Variants in VTI1A observed in about 807,000 individuals in gnomAD.
VTI1A encodes vesicle transport through interaction with t-SNAREs 1A.
VTI1A carries 22 observed loss-of-function variants against 34.9 expected under a neutral mutation model. That is an observed-to-expected ratio of 0.63 (90% CI 0.45 to 0.90). The LOEUF (loss-of-function observed/expected upper bound fraction) is 0.90, where lower values mean the gene tolerates loss of function less well. VTI1A is among the 40% of genes least tolerant of loss of function. The pLI is 0.00. For synonymous variants in VTI1A, 87 were observed against 97.3 expected, an observed-to-expected ratio of 0.89 and a Z score of 0.62; for missense variants, 268 against 275.6, an observed-to-expected ratio of 0.97 and a Z score of 0.20.
intron 3 of VTI1A, among the ~76,000 whole-genome samples, chr10:112,472,970 A>G (rs978108273): frequency 9.4e-6 from 1 of 105,908 alleles, no homozygotes; most frequent in Non-Finnish European, 2.5e-5. Flanking sequence ...AAAATGAAGA[A>G]GAGTAAAAAA....
chr10:112,725,535 A>G (rs1454572120), intron 7 of VTI1A, among the ~76,000 whole-genome samples: 1 of 152,230 alleles, frequency 6.6e-6, no homozygotes, highest in Non-Finnish European at 1.5e-5. Context: ...CAACCTGTTA[A>G]CATAATAGTT....
chr10:112,585,921 T>C (rs1350616605), intron 5 of VTI1A, among the ~76,000 whole-genome samples: 1 of 152,144 alleles, frequency 6.6e-6, no homozygotes, highest in Admixed American at 6.5e-5. Flanking sequence ...AGGTCAAGGA[T>C]GTGCCTGCAA....
chr10:112,810,835 A>G (rs192169744), intron 7 of VTI1A, among the ~76,000 whole-genome samples: 1 of 152,338 alleles, frequency 6.6e-6, no homozygotes, highest in East Asian at 1.9e-4. Flanking sequence ...ATCAGTCATC[A>G]ATACACAGGA....
intron 5 of VTI1A, among the ~76,000 whole-genome samples, chr10:112,579,670 C>G (rs1336469096): frequency 6.6e-6 from 1 of 152,262 alleles, no homozygotes; most frequent in Admixed American, 6.5e-5. Context: ...TTTTCAGAAA[C>G]ACATTTAAAA....
At chr10:112,643,143 C>T (rs1846644034) in intron 5 of VTI1A, among the ~76,000 whole-genome samples, 1 of 144,208 alleles carries the variant, frequency 6.9e-6, no homozygotes, top group East Asian at 2.1e-4. Flanking sequence ...CGCCACCACA[C>T]CTGGCTAATT....
At chr10:112,498,801 C>G (rs978965276) in intron 3 of VTI1A, among the ~76,000 whole-genome samples, 1 of 151,928 alleles carries the variant, frequency 6.6e-6, no homozygotes, top group Non-Finnish European at 1.5e-5. Context: ...TTTAGATGAA[C>G]AATTTTCTTA....
intron 7 of VTI1A, among the ~76,000 whole-genome samples, chr10:112,813,824 C>G (rs1853409214): frequency 6.6e-6 from 1 of 152,154 alleles, no homozygotes; most frequent in Admixed American, 6.5e-5. Context: ...CTTAGCCAAG[C>G]CTTGAGTGAT....
intron 3 of VTI1A, among the ~76,000 whole-genome samples, chr10:112,484,323 GC>G (rs1848546845): frequency 6.6e-6 from 1 of 152,180 alleles, no homozygotes; most frequent in South Asian, 2.1e-4. Context: ...GCATTTTAAG[GC>G]TTGTGAAACT....
At chr10:112,771,397 C>A (rs1851812204) in intron 7 of VTI1A, among the ~76,000 whole-genome samples, 1 of 152,198 alleles carries the variant, frequency 6.6e-6, no homozygotes, top group Non-Finnish European at 1.5e-5. Flanking sequence ...GTGAGCAGCA[C>A]CCCTGCCCAC....
chr10:112,700,117 C>CAAAAAAAAAAAAAAAAAAA (rs1201699870), intron 7 of VTI1A, among the ~76,000 whole-genome samples: 10 of 40,380 alleles, frequency 2.5e-4, no homozygotes, highest in Non-Finnish European at 4.7e-4. Context: ...GACTCCATCT[C>CAAAAAAAAAAAAAAAAAAA]AAAAAAAAAA....
chr10:112,456,057 T>C (rs1847512927), intron 1 of VTI1A, among the ~76,000 whole-genome samples: 1 of 152,110 alleles, frequency 6.6e-6, no homozygotes, highest in Non-Finnish European at 1.5e-5. Flanking sequence ...CTCTCTATGC[T>C]AAATACAGAG....
chr10:112,450,499 A>G (rs1416385884), intron 1 of VTI1A: 3 of 152,198 alleles, frequency 2.0e-5, no homozygotes, highest in Non-Finnish European at 4.4e-5. Context: ...AATTGGAGCA[A>G]ACTTTCCAGC....
At chr10:112,582,560 G>A (rs1226519087) in intron 5 of VTI1A, among the ~76,000 whole-genome samples, 1 of 152,148 alleles carries the variant, frequency 6.6e-6, no homozygotes, top group Non-Finnish European at 1.5e-5. Context: ...GGGCATGGCT[G>A]TGCCTTTTAG....
chr10:112,470,898 A>G (rs577607467), intron 3 of VTI1A, among the ~76,000 whole-genome samples: 1 of 152,164 alleles, frequency 6.6e-6, no homozygotes, highest in Non-Finnish European at 1.5e-5. Context: ...AAAAAATAAA[A>G]TAAAATAAAA....
chr10:112,642,608 A>AGT (rs75201126), intron 5 of VTI1A, among the ~76,000 whole-genome samples: 3,968 of 150,264 alleles, frequency 0.026, 125 homozygotes, highest in African/African-American at 0.083. Flanking sequence ...TATACAGGGT[A>AGT]GTGTGTGTGT....
At chr10:112,798,781 T>C (rs1852765063) in intron 7 of VTI1A, among the ~76,000 whole-genome samples, 1 of 152,204 alleles carries the variant, frequency 6.6e-6, no homozygotes, top group Non-Finnish European at 1.5e-5. Context: ...AAATTGTAAG[T>C]AGAGGCAACC....
At chr10:112,838,316 C>A in the VTI1A span, among the ~76,000 whole-genome samples, 1 of 152,152 alleles carries the variant, frequency 6.6e-6, no homozygotes, top group African/African-American at 2.4e-5. Flanking sequence ...CAGGTGGCTG[C>A]TAGGGGGTCC....
chr10:112,560,499 G>A (rs1327399485), intron 5 of VTI1A, among the ~76,000 whole-genome samples: 1 of 150,690 alleles, frequency 6.6e-6, no homozygotes, highest in Non-Finnish European at 1.5e-5. Flanking sequence ...CTCATTTTTT[G>A]TTTGCCTTCT....
intron 3 of VTI1A, among the ~76,000 whole-genome samples, chr10:112,520,621 ATGTG>A (rs150383079): frequency 0.012 from 1,700 of 138,024 alleles, 20 homozygotes; most frequent in African/African-American, 0.023. Context: ...TAGTCTCTAT[ATGTG>A]TGTGTGTGTG....
Sources: allele counts gnomAD v4.1 joint callset (sites outside exome capture counted in the v4.1 genomes callset), GRCh38; gene constraint gnomAD v4.1.1; transcripts MANE v1.5; gene names NCBI Gene and HGNC (gene_info 2026-07-23, HGNC 2026-07-21).